The following DMP1 variants were observed in gnomAD, a reference collection of about 807,000 sequenced individuals.
The protein encoded by DMP1 is dentin matrix acidic phosphoprotein 1, also known as dentin matrix protein 1.
Under a neutral mutation model 14.6 loss-of-function variants are expected in DMP1, and 20 were observed. That is an observed-to-expected ratio of 1.37 (90% CI 0.96 to 1.99). The LOEUF is 1.99. DMP1 is among the 30% of genes most tolerant of loss of function. DMP1 has a pLI of 0.00. For synonymous variants in DMP1, 197 were observed against 215.3 expected (o/e 0.91, Z 0.75); for missense variants, 567 against 620.5 (o/e 0.91, Z 0.92).
Position 87,662,566 on chromosome 4 carries a change from C to G in DMP1, c.788C>G (p.Pro263Arg), listed in dbSNP as rs1345422877. 6.2e-7 allele frequency: 1 copy of G among 1,614,006 alleles called. No homozygotes were observed. The highest frequency in any genetic ancestry group is 1.1e-5 in the South Asian group (1 of 91,062). Residue 263 changes from proline to arginine, a missense_variant, in exon 6 of 6, where the codon CCC (proline) becomes CGC (arginine). Coordinates refer to ENST00000339673, the MANE Select transcript of DMP1 (RefSeq NM_004407.4). ...GGTGGCAGCCAATTGCTGGAGCATCCCAGTAGGAAAATTTTTAGGAAGTCT... is the reference window on the plus strand; with the variant it reads ...GGTGGCAGCCAATTGCTGGAGCATCGCAGTAGGAAAATTTTTAGGAAGTCT... Reference protein sequence around the residue: ...DSGGSQLLEHPSRKIFRKSRI... With the variant: ...DSGGSQLLEHRSRKIFRKSRI...
chr4:87,654,134 G>A (rs1252007466), intron 1 of DMP1, among the ~76,000 whole-genome samples: 2 of 152,154 alleles, frequency 1.3e-5, no homozygotes, highest in Non-Finnish European at 2.9e-5. Context: ...TCTCTGCAAT[G>A]CGGGTCTTAT....
In DMP1 at chr4:87,657,399, GAGGTCA is replaced by G. The variant is rs550214616; in HGVS notation, c.102+323_102+328del. ...TTAACAAGAGTTATCTGGTGGGCAA[GAGGTCA>G]AGTCCTGGAAGGTGAAAAAAGAAAG... On this transcript the variant is annotated intron_variant, in intron 3 of 5. Transcript: ENST00000339673. The G allele has an allele frequency of 2.1e-4, 39 of 189,870 alleles. 1 individual carries two copies. The highest frequency in any genetic ancestry group is 3.7e-4 in the Non-Finnish European group (34 of 91,486). 11.8% of individuals were successfully genotyped at this position (189,870 alleles called of 1,614,324 possible).
At position 87,662,783 on chromosome 4, in the gene DMP1, T is replaced by A; in HGVS notation, c.1005T>A (p.Gly335=). 1.2e-6 allele frequency: 2 copies of A among 1,613,368 alleles called. No individual in the cohort carries two copies. Among genetic ancestry groups the A allele is most frequent in the Non-Finnish European group, 1.7e-6 (2 of 1,179,580 alleles). Residue 335 remains glycine (G), a synonymous_variant, in exon 6 of 6, where the codon GGT becomes GGA. Transcript: ENST00000339673. ...AGGAAGAGAGCCAAAACGTAGATGGTCCCAGCAGTGAGTCCAGCCAAGAGG... is the reference window on the plus strand; with the variant it reads ...AGGAAGAGAGCCAAAACGTAGATGGACCCAGCAGTGAGTCCAGCCAAGAGG... ...LSQEESQNVD[G]PSSESSQEAN... is the part of the protein sequence containing the mutation.
chr4:87,657,114 T>G (rs186024777), intron 3 of DMP1, 35 bp downstream of exon 3: 1 of 1,238,342 alleles, frequency 8.1e-7, no homozygotes, highest in East Asian at 2.4e-5. Context: ...AATATTTTAA[T>G]TTTAATTTAT....
chr4:87,660,848 T>G (rs1045966005), intron 5 of DMP1: 6 of 152,206 alleles, frequency 3.9e-5, no homozygotes, highest in African/African-American at 1.4e-4. Flanking sequence ...ACTATAATAT[T>G]TAATTTTCAT....
At chr4:87,656,848 C>T (rs1728712835) in intron 2 of DMP1, among the ~76,000 whole-genome samples, 184 bp from the exon 3 acceptor site, 1 of 152,220 alleles carries the variant, frequency 6.6e-6, no homozygotes, top group Non-Finnish European at 1.5e-5. Flanking sequence ...TTGGACCCTA[C>T]CTCAGAGCTG....
rs780967461 is a variant in DMP1, at chr4:87,662,061, A to G, written c.283A>G (p.Thr95Ala). The change falls in exon 6 of 6, where the codon ACA becomes GCA. Residue 95 changes from threonine (T) to alanine (A), a missense_variant. Physicochemically the swap from Thr to Ala is moderately conservative, Grantham distance 58 (BLOSUM62 0). Coordinates refer to ENST00000339673, the MANE Select transcript of DMP1 (RefSeq NM_004407.4). ...YRLAGGFSRS[T>A]GKGGDDKDDD... ...GCTAGCTGGTGGCTTCTCCAGGAGCACAGGAAAAGGAGGAGATGATAAAGA... is the reference window on the plus strand; with the variant it reads ...GCTAGCTGGTGGCTTCTCCAGGAGCGCAGGAAAAGGAGGAGATGATAAAGA... The G allele has an allele frequency of 6.8e-6, 11 of 1,614,226 alleles. No individual in the cohort carries two copies. In the Admixed American group the frequency reaches 1.5e-4, roughly 22 times the overall value.
chr4:87,657,847 T>C (rs1728743524), intron 3 of DMP1, among the ~76,000 whole-genome samples: 2 of 152,218 alleles, frequency 1.3e-5, no homozygotes, highest in South Asian at 4.1e-4. Flanking sequence ...TGTTCACTAC[T>C]GTGTTTCCTA....
In DMP1 at chr4:87,662,552, A is replaced by G; in HGVS notation, c.774A>G (p.Gln258=). 6.2e-7 allele frequency: 1 copy of G among 1,614,160 alleles called. No individual in the cohort carries two copies. Among genetic ancestry groups the G allele is most frequent in the Non-Finnish European group, 8.5e-7 (1 of 1,180,024 alleles). The part of the protein sequence containing the change: ...QANTQDSGGS[Q]LLEHPSRKIF... The stretch of plus-strand genomic sequence containing the variant: ...ACACTCAAGATTCAGGTGGCAGCCA[A>G]TTGCTGGAGCATCCCAGTAGGAAAA... Residue 258 remains glutamine, a synonymous_variant, in exon 6 of 6, where the codon CAA becomes CAG. Transcript: ENST00000339673.
chr4:87,657,248 T>G, intron 3 of DMP1, 169 bp downstream of exon 3: 1 of 534,178 alleles, frequency 1.9e-6, no homozygotes, highest in African/African-American at 1.9e-5. Context: ...AACTTAGTAG[T>G]ATACTCTGGC....
At chr4:87,656,775 A>C (rs1378771597) in intron 2 of DMP1, among the ~76,000 whole-genome samples, 4 of 152,192 alleles carry the variant, frequency 2.6e-5, no homozygotes, top group African/African-American at 7.2e-5. Flanking sequence ...AGTGCTTCTT[A>C]AAGTGTCATC....
At position 87,662,432 on chromosome 4, in the gene DMP1, T is replaced by C; in HGVS notation, c.654T>C (p.Asp218=). 1.2e-6 allele frequency: 2 copies of C among 1,614,090 alleles called. No individual in the cohort carries two copies. The highest frequency in any genetic ancestry group is 1.3e-5 in the African/African-American group (1 of 75,006). ...SELDDEGMQS[D]DPESIRSERG... ...TGGACGATGAGGGAATGCAGAGTGA[T>C]GACCCAGAGAGCATCAGGAGTGAAA... is the stretch of plus-strand genomic sequence containing the variant. Residue 218 remains aspartate (D), a synonymous_variant, in exon 6 of 6, where the codon GAT becomes GAC. Transcript: ENST00000339673.
intron 5 of DMP1, 119 bp downstream of exon 5, chr4:87,659,597 G>A (rs1728799400): frequency 2.0e-6 from 2 of 988,888 alleles, no homozygotes; most frequent in East Asian, 4.8e-5. Flanking sequence ...GAGTTATGCT[G>A]GCTAAAGAGT....
rs1578156016 is a variant in DMP1, at chr4:87,662,640, A to G, written c.862A>G (p.Met288Val). The G allele has an allele frequency of 3.1e-6, 5 of 1,614,136 alleles. No homozygotes were observed. The highest frequency in any genetic ancestry group is 4.2e-6 in the Non-Finnish European group (5 of 1,180,016). ...DRSELDDNNT[M>V]EEVKSDSTEN... Reference sequence around the variant, plus strand: ...AAGCGAGCTTGATGACAACAACACAATGGAAGAAGTCAAGAGTGACTCTAC... The same window carrying G: ...AAGCGAGCTTGATGACAACAACACAGTGGAAGAAGTCAAGAGTGACTCTAC... The change falls in exon 6 of 6, where the codon ATG (methionine) becomes GTG (valine). Residue 288 changes from methionine to valine, a missense_variant. Met to Val is a conservative substitution (Grantham distance 21). Coordinates refer to ENST00000339673, the MANE Select transcript of DMP1 (RefSeq NM_004407.4).
At chr4:87,659,362 A>T in intron 4 of DMP1, 69 bp from the exon 5 acceptor site, 1 of 1,594,776 alleles carries the variant, frequency 6.3e-7, no homozygotes, top group Non-Finnish European at 8.6e-7. Flanking sequence ...GAAGCAATTG[A>T]TGTGTATCAT....
At position 87,656,501 on chromosome 4, in the gene DMP1, C is replaced by A; in HGVS notation, c.9C>A (p.Ile3=). The change falls in exon 2 of 6, where the codon ATC becomes ATA. Residue 3 remains isoleucine, a synonymous_variant. Coordinates refer to ENST00000339673, the MANE Select transcript of DMP1 (RefSeq NM_004407.4). The part of the protein sequence containing the change: MK[I]SILLMFLWGL... ...AGGTATCACACCCAACTATGAAGAT[C>A]AGCATCCTGCTCATGTTCCTTTGGG... The A allele has an allele frequency of 3.1e-6, 5 of 1,607,928 alleles. No individual in the cohort carries two copies. The highest frequency in any genetic ancestry group is 4.3e-6 in the Non-Finnish European group (5 of 1,174,480).
At position 87,662,132 on chromosome 4, in the gene DMP1, C is replaced by T; in HGVS notation, c.354C>T (p.Asp118=). 1 of 1,614,208 alleles carries T rather than the reference C, an allele frequency of 6.2e-7. No individual in the cohort carries two copies. Among genetic ancestry groups the T allele is most frequent in the Non-Finnish European group, 8.5e-7 (1 of 1,180,038 alleles). The change falls in exon 6 of 6, where the codon GAC becomes GAT. Residue 118 remains aspartate, a synonymous_variant. Coordinates refer to ENST00000339673, the MANE Select transcript of DMP1 (RefSeq NM_004407.4). ...DSGDDTFGDD[D]SGPGPKDRQE... ...GAGATGACACCTTTGGTGACGATGA[C>T]AGTGGCCCAGGGCCCAAAGACAGAC...
At chr4:87,656,439 C>A in intron 1 of DMP1, 33 bp from the exon 2 acceptor site, 1 of 1,245,332 alleles carries the variant, frequency 8.0e-7, no homozygotes, top group Non-Finnish European at 1.2e-6. Flanking sequence ...ATTCCTTTAA[C>A]ATGGAGAGAA....
rs1728991180 is a variant in DMP1 at position 87,663,423 on chromosome 4, C to T, written c.*103C>T. ...ATTGATGTTTTGATCAAAAGAATAA[C>T]CAGATGCCATATTTTTCCTGAAAGG... On this transcript the variant is annotated 3_prime_UTR_variant, in exon 6 of 6. Transcript: ENST00000339673. 6.5e-7 allele frequency: 1 copy of T among 1,549,670 alleles called. No homozygotes were observed. The highest frequency in any genetic ancestry group is 1.4e-5 in the African/African-American group (1 of 73,418).
Sources: gnomAD v4.1 joint callset for allele counts (sites outside exome capture counted in the v4.1 genomes callset) on GRCh38, gnomAD v4.1.1 for gene constraint, MANE v1.5 for transcripts, NCBI Gene and HGNC (gene_info 2026-07-23, HGNC 2026-07-21) for gene names.